KCNQ5: variants seen among roughly 807,000 people sequenced by gnomAD.
KCNQ5 encodes potassium voltage-gated channel subfamily Q member 5.
KCNQ5 carries 30 observed loss-of-function variants against 98.2 expected under a neutral mutation model. The observed-to-expected ratio is 0.31, with a 90% CI of 0.23 to 0.41. The LOEUF (loss-of-function observed/expected upper bound fraction) is 0.41. Ranked by LOEUF, KCNQ5 falls within the 10% of genes least tolerant of loss-of-function variation. KCNQ5 has a pLI of 1.00. For synonymous variants in KCNQ5, 458 were observed against 449.4 expected (o/e 1.02, Z -0.24); for missense variants, 835 against 1,182.5 (o/e 0.71, Z 4.31).
intron 2 of KCNQ5, among the ~76,000 whole-genome samples, chr6:73,027,591 T>C (rs964885556): frequency 1.3e-5 from 2 of 152,220 alleles, no homozygotes; most frequent in African/African-American, 4.8e-5. Flanking sequence ...GATGGCTTGA[T>C]TGTAATTATT....
At chr6:72,864,089 A>T (rs576135024) in intron 1 of KCNQ5, among the ~76,000 whole-genome samples, 10 of 152,296 alleles carry the variant, frequency 6.6e-5, no homozygotes, top group Admixed American at 1.3e-4. Context: ...CCTGCTGCCC[A>T]TGTCATAAAT....
intron 1 of KCNQ5, among the ~76,000 whole-genome samples, chr6:72,663,112 G>A (rs1582072390): frequency 1.3e-5 from 2 of 152,112 alleles, no homozygotes; most frequent in Admixed American, 1.3e-4. Flanking sequence ...ATAGGGAGGG[G>A]AACATTACAC....
At chr6:72,890,033 C>T (rs369381003) in intron 1 of KCNQ5, among the ~76,000 whole-genome samples, 36 of 152,326 alleles carry the variant, frequency 2.4e-4, no homozygotes, top group African/African-American at 7.9e-4. Context: ...TATTTACCCT[C>T]AGCGAGCAGT....
chr6:72,824,696 A>G (rs867187295), intron 1 of KCNQ5, among the ~76,000 whole-genome samples: 5 of 152,128 alleles, frequency 3.3e-5, no homozygotes, highest in Non-Finnish European at 7.4e-5. Flanking sequence ...AAGGTGTCAT[A>G]TCACCTGGAT....
At chr6:73,138,471 C>A (rs1176911773) in intron 10 of KCNQ5, among the ~76,000 whole-genome samples, 1 of 152,174 alleles carries the variant, frequency 6.6e-6, no homozygotes, top group Non-Finnish European at 1.5e-5. Flanking sequence ...AAGGACGTAG[C>A]TTTAGGGAGC....
At chr6:72,951,050 C>A (rs938129150) in intron 1 of KCNQ5, among the ~76,000 whole-genome samples, 7 of 152,110 alleles carry the variant, frequency 4.6e-5, no homozygotes, top group African/African-American at 1.7e-4. Flanking sequence ...TTCCTCCTGC[C>A]TTTTCCCAGA....
chr6:73,120,406 A>G (rs1775697770), intron 7 of KCNQ5, 77 bp from the exon 8 acceptor site: 2 of 1,022,944 alleles, frequency 2.0e-6, no homozygotes, highest in South Asian at 3.2e-5. Context: ...GTAGTAACTT[A>G]ATCATTTCTC....
intron 2 of KCNQ5, among the ~76,000 whole-genome samples, chr6:73,030,711 C>T (rs1771105984): frequency 6.6e-6 from 1 of 152,288 alleles, no homozygotes; most frequent in African/African-American, 2.4e-5. Flanking sequence ...CTCCCAGTGG[C>T]ACATGGCAGT....
At chr6:72,657,739 C>A (rs531255094) in intron 1 of KCNQ5, among the ~76,000 whole-genome samples, 15 of 152,328 alleles carry the variant, frequency 9.8e-5, no homozygotes, top group Admixed American at 8.5e-4. Flanking sequence ...GTTATAGTTA[C>A]AGCTTTTATA....
intron 1 of KCNQ5, chr6:72,806,729 G>A (rs1053907271): frequency 1.5e-5 from 6 of 402,678 alleles, no homozygotes; most frequent in African/African-American, 8.8e-5. Flanking sequence ...TTTTGATTTG[G>A]CTTGTAACTG....
chr6:73,061,404 A>G (rs1772774853), intron 3 of KCNQ5, among the ~76,000 whole-genome samples: 1 of 152,200 alleles, frequency 6.6e-6, no homozygotes, highest in South Asian at 2.1e-4. Context: ...AAATTAAAAG[A>G]ATTATTGCCT....
At chr6:72,746,693 C>A (rs552122129) in intron 1 of KCNQ5, among the ~76,000 whole-genome samples, 4 of 152,142 alleles carry the variant, frequency 2.6e-5, no homozygotes, top group Non-Finnish European at 5.9e-5. Flanking sequence ...TTTCAAAGTA[C>A]CATTAATGTA....
intron 8 of KCNQ5, among the ~76,000 whole-genome samples, chr6:73,123,214 A>G (rs1331901455): frequency 6.6e-6 from 1 of 152,080 alleles, no homozygotes; most frequent in East Asian, 1.9e-4. Flanking sequence ...TAAATATAGG[A>G]TATGTTAGAT....
intron 1 of KCNQ5, among the ~76,000 whole-genome samples, chr6:72,926,458 T>C (rs916698961): frequency 6.6e-6 from 1 of 152,162 alleles, no homozygotes; most frequent in African/African-American, 2.4e-5. Flanking sequence ...ACTATGATCA[T>C]TATTTCTGAT....
intron 1 of KCNQ5, among the ~76,000 whole-genome samples, chr6:72,924,892 T>TA (rs1490431232): frequency 6.6e-6 from 1 of 152,082 alleles, no homozygotes; most frequent in Non-Finnish European, 1.5e-5. Flanking sequence ...TTTTGTTCCC[T>TA]AAAAAAATTA....
chr6:73,093,896 G>A (rs1268025169), intron 5 of KCNQ5, among the ~76,000 whole-genome samples: 1 of 152,082 alleles, frequency 6.6e-6, no homozygotes, highest in African/African-American at 2.4e-5. Flanking sequence ...TGGATGGAAT[G>A]TTCTGTATAT....
rs145683159 is a variant in KCNQ5 at position 72,758,590 on chromosome 6, T to C, written c.398+136003T>C. Among the ~76,000 whole-genome samples the C allele has an allele frequency of 3.1e-3, 470 of 152,250 alleles. 1 individual carries two copies. Among genetic ancestry groups the C allele is most frequent in the African/African-American group, 0.011 (458 of 41,552 alleles). On this transcript the variant is annotated intron_variant, in intron 1 of 13. Transcript: ENST00000370398. ...GTAAAGCCTGTGCTAAGAGCCAGAA[T>C]ATAGCAAGAAGCTTTTGATACTCTC...
chr6:73,109,107 A>G (rs1193169092), intron 6 of KCNQ5, among the ~76,000 whole-genome samples: 2 of 152,258 alleles, frequency 1.3e-5, no homozygotes, highest in Non-Finnish European at 2.9e-5. Flanking sequence ...GAAAGGAGCC[A>G]TGATGAGACA....
chr6:72,809,644 A>G (rs968034109), intron 1 of KCNQ5, among the ~76,000 whole-genome samples: 11 of 152,178 alleles, frequency 7.2e-5, no homozygotes, highest in African/African-American at 2.7e-4. Flanking sequence ...ATTACAATCC[A>G]TGTGGGCTGA....
Sources: gnomAD v4.1 joint callset for allele counts (sites outside exome capture counted in the v4.1 genomes callset) on GRCh38, gnomAD v4.1.1 for gene constraint, MANE v1.5 for transcripts, NCBI Gene and HGNC (gene_info 2026-07-23, HGNC 2026-07-21) for gene names.